The following TSHR variants were observed in gnomAD, a reference collection of about 807,000 sequenced individuals.
TSHR encodes the protein thyroid stimulating hormone receptor, also known as thyrotropin receptor.
In TSHR, 51 loss-of-function variants were observed where a neutral mutation model predicts 64.1. That is an observed-to-expected ratio of 0.80 (90% CI 0.64 to 1.01). The LOEUF (loss-of-function observed/expected upper bound fraction) is 1.01, where lower values mean the gene tolerates loss of function less well. Ranked by LOEUF, TSHR falls within the 50% of genes least tolerant of loss-of-function variation. TSHR has a pLI of 0.00. For missense variants in TSHR, 877 were observed against 942.8 expected, an observed-to-expected ratio of 0.93 and a Z score of 0.91; for synonymous variants, 361 against 361.9, an observed-to-expected ratio of 1.00 and a Z score of 0.03.
chr14:81,091,021 T>C (rs770296085), intron 4 of TSHR, 48 bp from the exon 5 acceptor site: 149 of 1,524,986 alleles, frequency 9.8e-5, no homozygotes, highest in Non-Finnish European at 1.3e-4. Flanking sequence ...GTGTTGATTT[T>C]TTTACCTAAA....
At chr14:80,971,607 G>A (rs530352071) in intron 1 of TSHR, among the ~76,000 whole-genome samples, 3 of 152,248 alleles carry the variant, frequency 2.0e-5, no homozygotes, top group African/African-American at 7.2e-5. Flanking sequence ...ATTTGTTTGG[G>A]GTTTTTGTTG....
intron 1 of TSHR, among the ~76,000 whole-genome samples, chr14:80,968,247 A>C (rs1887417546): frequency 2.0e-5 from 3 of 152,208 alleles, no homozygotes; most frequent in Admixed American, 2.0e-4. Context: ...GAGAGAATCT[A>C]AAATGATGTA....
chr14:80,977,187 A>G (rs1887926196), intron 1 of TSHR, among the ~76,000 whole-genome samples: 2 of 152,236 alleles, frequency 1.3e-5, no homozygotes, highest in Non-Finnish European at 1.5e-5. Flanking sequence ...TCACTTTCAA[A>G]TCCTCCAGCT....
intron 6 of TSHR, among the ~76,000 whole-genome samples, chr14:81,093,188 T>C (rs1888891412): frequency 6.6e-6 from 1 of 152,248 alleles, no homozygotes; most frequent in Admixed American, 6.5e-5. Flanking sequence ...CAAACTGTTA[T>C]TAAGCTCCTG....
chr14:81,032,082 T>C (rs1394752907), intron 1 of TSHR, among the ~76,000 whole-genome samples: 2 of 151,926 alleles, frequency 1.3e-5, no homozygotes, highest in Admixed American at 6.6e-5. Context: ...CAAGAGAACA[T>C]AGATAGACAT....
intron 7 of TSHR, among the ~76,000 whole-genome samples, chr14:81,102,013 T>C (rs952951588): frequency 1.3e-5 from 2 of 151,476 alleles, no homozygotes; most frequent in Non-Finnish European, 2.9e-5. Flanking sequence ...CTACTAAAAA[T>C]ACAAAAAAAT....
At chr14:80,961,661 C>CA (rs897097572) in intron 1 of TSHR, among the ~76,000 whole-genome samples, 29 of 151,414 alleles carry the variant, frequency 1.9e-4, no homozygotes, top group South Asian at 8.4e-4. Flanking sequence ...TATGCACACA[C>CA]AAAAAAAACA....
At chr14:81,070,883 C>T (rs1006454205) in intron 3 of TSHR, among the ~76,000 whole-genome samples, 1 of 152,060 alleles carries the variant, frequency 6.6e-6, no homozygotes, top group African/African-American at 2.4e-5. Context: ...AAAGGAACTA[C>T]TAATGGGAAT....
chr14:81,039,887 A>G (rs1075161), intron 1 of TSHR, among the ~76,000 whole-genome samples: 8,558 of 152,078 alleles, frequency 0.056, 379 homozygotes, highest in African/African-American at 0.12. Context: ...AAATGTCCAT[A>G]CTACTCCCAA....
At chr14:80,985,167 G>C (rs935130707) in intron 1 of TSHR, among the ~76,000 whole-genome samples, 1 of 152,282 alleles carries the variant, frequency 6.6e-6, no homozygotes, top group South Asian at 2.1e-4. Context: ...GGAGAATGGC[G>C]TGAACCCGGG....
At chr14:81,021,185 T>C (rs1416620115) in intron 1 of TSHR, among the ~76,000 whole-genome samples, 1 of 151,908 alleles carries the variant, frequency 6.6e-6, no homozygotes, top group African/African-American at 2.4e-5. Flanking sequence ...TATGGAAAAA[T>C]TGTCTTCCAT....
At chr14:80,962,470 C>G (rs957751587) in intron 1 of TSHR, among the ~76,000 whole-genome samples, 2 of 152,182 alleles carry the variant, frequency 1.3e-5, no homozygotes, top group South Asian at 4.1e-4. Context: ...TGTTGGCAAT[C>G]CATGGCATTC....
intron 7 of TSHR, among the ~76,000 whole-genome samples, chr14:81,105,740 C>T (rs969039962): frequency 1.3e-5 from 2 of 152,166 alleles, no homozygotes; most frequent in East Asian, 1.9e-4. Context: ...TTAGAAAGAA[C>T]AAGCTGAATT....
At chr14:81,100,883 T>C (rs1449735369) in intron 7 of TSHR, among the ~76,000 whole-genome samples, 1 of 152,214 alleles carries the variant, frequency 6.6e-6, no homozygotes, top group Non-Finnish European at 1.5e-5. Flanking sequence ...TGGCTTTGTA[T>C]GGAGGTTTCA....
intron 1 of TSHR, among the ~76,000 whole-genome samples, chr14:80,990,863 C>A (rs1209201067): frequency 2.6e-5 from 4 of 152,146 alleles, no homozygotes; most frequent in Non-Finnish European, 5.9e-5. Flanking sequence ...CCATGTTGGC[C>A]AGGCTGGTCT....
At chr14:81,069,645 TAAG>T (rs1467179270) in intron 3 of TSHR, among the ~76,000 whole-genome samples, 1 of 152,146 alleles carries the variant, frequency 6.6e-6, no homozygotes, top group Non-Finnish European at 1.5e-5. Flanking sequence ...CCGGGCTTGC[TAAG>T]AAGGATTGTT....
intron 1 of TSHR, among the ~76,000 whole-genome samples, chr14:80,973,623 T>G (rs1375306531): frequency 1.3e-5 from 2 of 152,120 alleles, no homozygotes; most frequent in African/African-American, 4.8e-5. Flanking sequence ...TAGCAATGCA[T>G]GAAGCCATTA....
chr14:81,071,790 CT>C (rs1887090898), intron 3 of TSHR, among the ~76,000 whole-genome samples: 3 of 151,482 alleles, frequency 2.0e-5, no homozygotes, highest in African/African-American at 7.3e-5. Context: ...AATAAATAGT[CT>C]CAGATGGTGG....
At chr14:81,085,485 C>A (rs1888222873) in intron 3 of TSHR, among the ~76,000 whole-genome samples, 1 of 151,488 alleles carries the variant, frequency 6.6e-6, no homozygotes, top group Non-Finnish European at 1.5e-5. Context: ...TAGAAATCTT[C>A]TCCTCCTTCA....
Sources: gnomAD v4.1 joint callset for allele counts (sites outside exome capture counted in the v4.1 genomes callset) on GRCh38, gnomAD v4.1.1 for gene constraint, MANE v1.5 for transcripts, NCBI Gene and HGNC (gene_info 2026-07-23, HGNC 2026-07-21) for gene names.